The following COLEC12 variants were observed in gnomAD, a reference collection of about 807,000 sequenced individuals.
COLEC12 encodes collectin-12.
Under a neutral mutation model 71.1 loss-of-function variants are expected in COLEC12, and 33 were observed. The observed-to-expected ratio is 0.46, with a 90% confidence interval of 0.35 to 0.62. The LOEUF (loss-of-function observed/expected upper bound fraction) is 0.62. COLEC12 is among the 20% of genes least tolerant of loss of function. The probability of loss-of-function intolerance (pLI) is 0.00; values close to 1 mark genes in which losing one functional copy is unlikely to be tolerated. For missense variants in COLEC12, 765 were observed against 916.1 expected, an observed-to-expected ratio of 0.84 and a Z score of 2.13; for synonymous variants, 350 against 353.0, an observed-to-expected ratio of 0.99 and a Z score of 0.10.
chr18:380,831 G>C (rs17452662), intron 2 of COLEC12, among the ~76,000 whole-genome samples: 23,326 of 152,108 alleles, frequency 0.15, 2,005 homozygotes, highest in Middle Eastern at 0.26. Flanking sequence ...GGCAGAGTAC[G>C]TAAGTTTGCA....
At chr18:334,711 C>G (rs754439539) in intron 6 of COLEC12, 31 bp downstream of exon 6, 41 of 1,453,316 alleles carry the variant, frequency 2.8e-5, no homozygotes, top group Non-Finnish European at 3.7e-5. Flanking sequence ...ACTGCCCTGT[C>G]CCCCTGGCTG....
intron 2 of COLEC12, among the ~76,000 whole-genome samples, chr18:367,341 T>C (rs764787561): frequency 6.6e-6 from 1 of 151,974 alleles, no homozygotes; most frequent in Non-Finnish European, 1.5e-5. Context: ...CTACATCCAC[T>C]CTCCCTCACA....
intron 2 of COLEC12, among the ~76,000 whole-genome samples, chr18:386,666 T>C (rs990244138): frequency 6.6e-6 from 1 of 152,182 alleles, no homozygotes; most frequent in Non-Finnish European, 1.5e-5. Flanking sequence ...TTCTTGATGC[T>C]TCATCTGGAA....
chr18:338,336 G>T (rs1193382925), intron 5 of COLEC12, among the ~76,000 whole-genome samples: 1 of 152,156 alleles, frequency 6.6e-6, no homozygotes, highest in African/African-American at 2.4e-5. Context: ...AAATACATGC[G>T]CATCATGGTT....
intron 2 of COLEC12, among the ~76,000 whole-genome samples, chr18:374,042 G>A (rs1001618309): frequency 6.6e-6 from 1 of 152,128 alleles, no homozygotes; most frequent in Non-Finnish European, 1.5e-5. Context: ...TAAGCCACTT[G>A]GCTCTTGTGC....
intron 2 of COLEC12, among the ~76,000 whole-genome samples, chr18:472,678 CAAAAAAA>C (rs765169609): frequency 3.1e-3 from 286 of 93,634 alleles, no homozygotes; most frequent in East Asian, 4.6e-3. Context: ...GGCCCTGTGA[CAAAAAAA>C]AAAAAAAAAA....
intron 2 of COLEC12, among the ~76,000 whole-genome samples, chr18:468,286 C>T (rs1371535560): frequency 6.7e-6 from 1 of 149,942 alleles, no homozygotes; most frequent in African/African-American, 2.5e-5. Flanking sequence ...AAATCAAATG[C>T]AGTAGCAGAA....
chr18:392,811 T>A (rs1010437913), intron 2 of COLEC12, among the ~76,000 whole-genome samples: 2 of 152,230 alleles, frequency 1.3e-5, no homozygotes, highest in Non-Finnish European at 2.9e-5. Context: ...AGCTGAGCCA[T>A]TGGACTGCAC....
Position 346,245 on chromosome 18 carries a change from A to T in COLEC12, c.1327+50T>A, listed in dbSNP as rs756610608. On this transcript the variant is annotated intron_variant, in intron 5 of 9. Transcript: ENST00000400256. The surrounding 1 kb of genome is among the most constrained non-coding windows in gnomAD (Gnocchi z 4.0). ...TTGCCAAGTTTTAGAGTAACTTGTT[A>T]TGCAGCAATAAACAACTAATACAAA... The T allele has an allele frequency of 3.0e-6, 4 of 1,324,318 alleles. No homozygotes were observed. The highest frequency in any genetic ancestry group is 2.1e-6 in the Non-Finnish European group (2 of 955,512). The allele number at this position is 1,324,318 out of a possible 1,614,324, so 82.0% of individuals were successfully genotyped here.
chr18:500,330 G>A lies in COLEC12; in HGVS notation c.7+178C>T, dbSNP rs577117795. ...AACCTCGAGGTCTCCAGCCGCGCCT[G>A]ACCCGGGAGCCGGGTGCGCCCCCAG... On this transcript the variant is annotated intron_variant, in intron 1 of 9. Coordinates refer to ENST00000400256, the MANE Select transcript of COLEC12 (RefSeq NM_130386.3). The surrounding 1 kb of genome is among the most constrained non-coding windows in gnomAD (Gnocchi z 5.3). Among the ~76,000 whole-genome samples the A allele has an allele frequency of 1.2e-4, 18 of 152,108 alleles. No homozygotes were observed. In the South Asian group the frequency reaches 3.7e-3, roughly 32 times the overall value.
intron 2 of COLEC12, among the ~76,000 whole-genome samples, chr18:417,843 TAG>T (rs56073439): frequency 0.081 from 12,353 of 152,242 alleles, 679 homozygotes; most frequent in Middle Eastern, 0.14. Context: ...TGTCCACAAT[TAG>T]AGAGTGTTCC....
intron 5 of COLEC12, among the ~76,000 whole-genome samples, chr18:342,612 G>A (rs1387210005): frequency 6.6e-6 from 1 of 152,268 alleles, no homozygotes; most frequent in Non-Finnish European, 1.5e-5. Flanking sequence ...AGGGAAAGGT[G>A]CTAGAGAGAA....
intron 2 of COLEC12, among the ~76,000 whole-genome samples, chr18:402,524 A>C (rs1333357180): frequency 6.6e-6 from 1 of 152,076 alleles, no homozygotes; most frequent in Non-Finnish European, 1.5e-5. Context: ...GCATGGCCGG[A>C]TGACACAAAG....
chr18:375,885 G>A lies in COLEC12; in HGVS notation c.59-18363C>T, dbSNP rs897945179. Among the ~76,000 whole-genome samples, 6 of 152,130 alleles carry A rather than the reference G, an allele frequency of 3.9e-5. No homozygotes were observed. In the South Asian group the frequency reaches 1.0e-3, roughly 26 times the overall value. ...ATTAATGCCTGTAAAACACCTGAAC[G>A]GCACAGGGTCTATACTAAGAACTAC... On this transcript the variant is annotated intron_variant, in intron 2 of 9. Transcript: ENST00000400256.
chr18:455,068 G>A (rs1181593369), intron 2 of COLEC12, among the ~76,000 whole-genome samples: 1 of 152,216 alleles, frequency 6.6e-6, no homozygotes, highest in South Asian at 2.1e-4. Flanking sequence ...CACCAGTAGA[G>A]CCACCTTTAT....
chr18:411,111 T>TTCCCACC (rs1915886295), intron 2 of COLEC12, among the ~76,000 whole-genome samples: 1 of 152,188 alleles, frequency 6.6e-6, no homozygotes, highest in Non-Finnish European at 1.5e-5. Flanking sequence ...TAATGCTTAA[T>TTCCCACC]AATTAGCAAT....
At chr18:452,042 C>T (rs1427184973) in intron 2 of COLEC12, among the ~76,000 whole-genome samples, 1 of 152,176 alleles carries the variant, frequency 6.6e-6, no homozygotes, top group Non-Finnish European at 1.5e-5. Flanking sequence ...TTTTCTCATA[C>T]CTAGATGGTA....
intron 2 of COLEC12, among the ~76,000 whole-genome samples, chr18:434,419 TTCATGACAAC>T (rs1413892427): frequency 2.6e-5 from 4 of 152,220 alleles, no homozygotes; most frequent in African/African-American, 7.2e-5. Context: ...ACACAGTATT[TTCATGACAAC>T]TCTATCACTG....
chr18:373,801 T>C, intron 2 of COLEC12, among the ~76,000 whole-genome samples: 1 of 152,128 alleles, frequency 6.6e-6, no homozygotes, highest in East Asian at 1.9e-4. Context: ...CAGATATACT[T>C]GGTGCACACC....
Sources: allele counts gnomAD v4.1 joint callset (sites outside exome capture counted in the v4.1 genomes callset), GRCh38; gene constraint gnomAD v4.1.1; non-coding constraint Gnocchi (gnomAD v3.1); transcripts MANE v1.5; gene names NCBI Gene and HGNC (gene_info 2026-07-23, HGNC 2026-07-21).